The following ABCD2 variants were observed in gnomAD, a reference collection of about 807,000 sequenced individuals.
The protein encoded by ABCD2 is ATP-binding cassette sub-family D member 2.
In ABCD2, 36 loss-of-function variants were observed where a neutral mutation model predicts 70.9. That is an observed-to-expected ratio of 0.51 (90% CI 0.39 to 0.67). The LOEUF (loss-of-function observed/expected upper bound fraction) is 0.67. Ranked by LOEUF, ABCD2 falls within the 30% of genes least tolerant of loss-of-function variation. The pLI is 0.00. For missense variants in ABCD2, 729 were observed against 890.2 expected (o/e 0.82, Z 2.30); for synonymous variants, 304 against 306.9 (o/e 0.99, Z 0.10).
At chr12:39,581,512 A>AATTG (rs1941595479) in intron 7 of ABCD2, among the ~76,000 whole-genome samples, 3 of 152,174 alleles carry the variant, frequency 2.0e-5, no homozygotes, top group African/African-American at 7.2e-5. Context: ...TTAAAATACC[A>AATTG]TCTGATTTAG....
At chr12:39,536,794 G>A in the ABCD2 span, among the ~76,000 whole-genome samples, 1 of 152,166 alleles carries the variant, frequency 6.6e-6, no homozygotes. Flanking sequence ...GATTGAGTGT[G>A]TGTGTTTGTT....
At chr12:39,541,675 A>G in the ABCD2 span, among the ~76,000 whole-genome samples, 2 of 152,242 alleles carry the variant, frequency 1.3e-5, no homozygotes, top group Non-Finnish European at 2.9e-5. Flanking sequence ...ATGTGTGCAC[A>G]TGTGGAGCAC....
rs778993146 is a variant in ABCD2 at position 39,619,431 on chromosome 12, T to C, written c.185A>G (p.Asn62Ser). The C allele has an allele frequency of 6.2e-7, 1 of 1,614,022 alleles. No individual in the cohort carries two copies. Among genetic ancestry groups the C allele is most frequent in the Middle Eastern group, 1.6e-4 (1 of 6,062 alleles). The change falls in exon 1 of 10, where the codon AAC becomes AGC. Residue 62 changes from asparagine (N) to serine (S), a missense_variant. Transcript: ENST00000308666. ...KKAAAYPAAE[N>S]TEILHCTETI... ...CTCGGTGCAATGCAGTATTTCTGTG[T>C]TCTCTGCAGCAGGGTAAGCTGCTGC...
intron 9 of ABCD2, among the ~76,000 whole-genome samples, chr12:39,554,781 TA>T (rs371179184): frequency 1.0e-3 from 159 of 152,290 alleles, no homozygotes; most frequent in African/African-American, 3.6e-3. Flanking sequence ...CACCTTGTCC[TA>T]AAGGAGGCTG....
At chr12:39,593,430 T>C (rs1247512727) in intron 6 of ABCD2, among the ~76,000 whole-genome samples, 2 of 152,098 alleles carry the variant, frequency 1.3e-5, no homozygotes, top group Non-Finnish European at 1.5e-5. Context: ...TTTTTTATTA[T>C]TTGTATTGAC....
intron 8 of ABCD2, among the ~76,000 whole-genome samples, chr12:39,578,421 C>G (rs1323532108): frequency 6.7e-6 from 1 of 150,148 alleles, no homozygotes; most frequent in Non-Finnish European, 1.5e-5. Context: ...TTGCAGTGAG[C>G]CGAGATGGTG....
At chr12:39,583,911 TTATC>T (rs981441554) in intron 7 of ABCD2, among the ~76,000 whole-genome samples, 2 of 152,224 alleles carry the variant, frequency 1.3e-5, no homozygotes, top group African/African-American at 4.8e-5. Context: ...CACACTTTCT[TTATC>T]TAATCTGTCA....
chr12:39,571,446 G>T (rs1325964476), intron 9 of ABCD2, among the ~76,000 whole-genome samples: 2 of 152,130 alleles, frequency 1.3e-5, no homozygotes, highest in African/African-American at 4.8e-5. Context: ...GGACATTATA[G>T]TAAGTGAAAT....
chr12:39,600,592 T>C lies in ABCD2; in HGVS notation c.1625A>G (p.His542Arg). ...CTACCTTTGTGGAATATAAAACATA[T>C]GTTGAGGAGGTGGTTTATAGAGGAC... ...EGVLYKPPPQ[H>R]MFYIPQRPYM... The change falls in exon 6 of 10, where the codon CAT (histidine) becomes CGT (arginine). Residue 542 changes from histidine to arginine, a missense_variant. Transcript: ENST00000308666. 6.2e-7 allele frequency: 1 copy of C among 1,603,064 alleles called. No individual in the cohort carries two copies. The highest frequency in any genetic ancestry group is 8.5e-7 in the Non-Finnish European group (1 of 1,176,020).
chr12:39,585,949 A>G (rs1941659084), intron 7 of ABCD2, among the ~76,000 whole-genome samples: 3 of 152,174 alleles, frequency 2.0e-5, no homozygotes, highest in Admixed American at 2.0e-4. Flanking sequence ...AGACTTAATA[A>G]AAACTTAGTG....
At chr12:39,596,426 A>G (rs934271546) in intron 6 of ABCD2, among the ~76,000 whole-genome samples, 1 of 152,146 alleles carries the variant, frequency 6.6e-6, no homozygotes, top group Non-Finnish European at 1.5e-5. Flanking sequence ...GACTAAATGA[A>G]AAAAAAATTG....
At chr12:39,535,502 A>G in the ABCD2 span, among the ~76,000 whole-genome samples, 1 of 152,212 alleles carries the variant, frequency 6.6e-6, no homozygotes, top group African/African-American at 2.4e-5. Flanking sequence ...ATTCACTTCA[A>G]ATAAAGTCCA....
the ABCD2 span, among the ~76,000 whole-genome samples, chr12:39,535,128 A>T: frequency 6.6e-6 from 1 of 152,096 alleles, no homozygotes; most frequent in South Asian, 2.1e-4. Context: ...TTTCTTAAAT[A>T]TTGTGCCCCT....
At chr12:39,556,746 G>A (rs763793073) in intron 9 of ABCD2, among the ~76,000 whole-genome samples, 1 of 151,362 alleles carries the variant, frequency 6.6e-6, no homozygotes, top group Non-Finnish European at 1.5e-5. Context: ...CAGCACTTTG[G>A]GAGTCTGAGG....
At chr12:39,584,040 C>G (rs559346902) in intron 7 of ABCD2, among the ~76,000 whole-genome samples, 53 of 152,152 alleles carry the variant, frequency 3.5e-4, no homozygotes, top group Admixed American at 1.3e-3. Context: ...GAGTATAAAC[C>G]CAGTAATGAG....
chr12:39,578,689 A>C (rs892359396), intron 8 of ABCD2, among the ~76,000 whole-genome samples: 1 of 151,516 alleles, frequency 6.6e-6, no homozygotes, highest in Non-Finnish European at 1.5e-5. Flanking sequence ...AAAATGTTTT[A>C]TCAGAAGCAA....
intron 2 of ABCD2, among the ~76,000 whole-genome samples, chr12:39,608,947 T>C (rs1942009428): frequency 6.6e-6 from 1 of 152,208 alleles, no homozygotes; most frequent in South Asian, 2.1e-4. Flanking sequence ...CATTTGTATA[T>C]GTGATTTCTC....
At chr12:39,547,731 A>G (rs1941039362), downstream of ABCD2, among the ~76,000 whole-genome samples, 1 of 152,144 alleles carries the variant, frequency 6.6e-6, no homozygotes, top group Non-Finnish European at 1.5e-5. Flanking sequence ...CATCTGCTTC[A>G]TAACAATATG....
chr12:39,612,543 C>A (rs1272017700), intron 2 of ABCD2, among the ~76,000 whole-genome samples: 1 of 152,104 alleles, frequency 6.6e-6, no homozygotes, highest in African/African-American at 2.4e-5. Flanking sequence ...ATAGTGAGGT[C>A]ATTATACTTT....
Sources: gnomAD v4.1 joint callset for allele counts (sites outside exome capture counted in the v4.1 genomes callset) on GRCh38, gnomAD v4.1.1 for gene constraint, MANE v1.5 for transcripts, NCBI Gene and HGNC (gene_info 2026-07-23, HGNC 2026-07-21) for gene names.